Variants in ST3GAL3 observed in about 807,000 individuals in gnomAD.
ST3GAL3 encodes the protein CMP-N-acetylneuraminate-beta-1,4-galactoside alpha-2,3-sialyltransferase.
A neutral mutation model predicts 50.1 loss-of-function variants in ST3GAL3; 21 were observed. That is an observed-to-expected ratio of 0.42 (90% CI 0.30 to 0.60). ST3GAL3 has a LOEUF of 0.60. Among genes scored for constraint, ST3GAL3 ranks in the 20% least tolerant of loss-of-function variants. ST3GAL3 has a pLI of 0.19. For synonymous variants in ST3GAL3, 183 were observed against 190.0 expected (o/e 0.96, Z 0.30); for missense variants, 353 against 489.4 (o/e 0.72, Z 2.63).
At chr1:43,764,415 C>A in intron 2 of ST3GAL3, among the ~76,000 whole-genome samples, 1 of 151,958 alleles carries the variant, frequency 6.6e-6, no homozygotes, top group African/African-American at 2.4e-5. Context: ...AGTCGCGCAA[C>A]ACAATATTGC....
intron 9 of ST3GAL3, among the ~76,000 whole-genome samples, chr1:43,918,875 A>G (rs1207715206): frequency 1.3e-5 from 2 of 151,924 alleles, no homozygotes; most frequent in African/African-American, 2.4e-5. Flanking sequence ...GTAAAAGGTT[A>G]TAGTTTTCCT....
chr1:43,906,042 C>T (rs1302733053), intron 9 of ST3GAL3, among the ~76,000 whole-genome samples: 1 of 102,490 alleles, frequency 9.8e-6, no homozygotes. Flanking sequence ...CTCTTCCTCC[C>T]CCTCCCCCTC....
intron 4 of ST3GAL3, 24 bp from the exon 5 acceptor site, chr1:43,838,195 G>A: frequency 6.3e-7 from 1 of 1,592,300 alleles, no homozygotes; most frequent in South Asian, 1.1e-5. Context: ...CTGGCAAGCT[G>A]TAACTTTCCT....
intron 9 of ST3GAL3, chr1:43,913,516 G>C (rs1006462444): frequency 6.6e-6 from 1 of 152,130 alleles, no homozygotes; most frequent in African/African-American, 2.4e-5. Context: ...GTATGTGCCT[G>C]TGGACGTTTT....
intron 5 of ST3GAL3, among the ~76,000 whole-genome samples, chr1:43,871,604 AGG>A: frequency 1.0e-5 from 1 of 98,706 alleles, no homozygotes; most frequent in Non-Finnish European, 2.0e-5. Flanking sequence ...ATGGGGTGTG[AGG>A]GAGAAGATGG....
intron 2 of ST3GAL3, among the ~76,000 whole-genome samples, chr1:43,761,442 G>T (rs1178757906): frequency 6.6e-6 from 1 of 151,964 alleles, no homozygotes; most frequent in Non-Finnish European, 1.5e-5. Flanking sequence ...TGTCCAGAAG[G>T]ATGTATTTAG....
In ST3GAL3 at chr1:43,920,162, C is replaced by A. The variant is rs955943432; in HGVS notation, c.745-242C>A. The A allele has an allele frequency of 1.1e-5, 6 of 563,678 alleles. No homozygotes were observed. In the Admixed American group the frequency reaches 1.7e-4, roughly 16 times the overall value. The allele number at this position is 563,678 out of a possible 1,614,324, so 34.9% of individuals were successfully genotyped here. On this transcript the variant is annotated intron_variant, in intron 9 of 11. Coordinates refer to ENST00000347631, the MANE Select transcript of ST3GAL3 (RefSeq NM_006279.5). The stretch of plus-strand genomic sequence containing the variant: ...CCTGTGCCTGCCCGACGACTCCCTT[C>A]GTATCCTCCTCTGTTACACACTGGA...
In ST3GAL3 at chr1:43,747,561, A is replaced by AT. The variant is rs71579307; in HGVS notation, c.118+11204dup. On this transcript the variant is annotated intron_variant, in intron 2 of 11. Transcript: ENST00000347631. ...ACTCTGCAGACCCCATAGCTCAGGG[A>AT]TTTTTTTTTTTTTTTTTTTTTTTGA... Among the ~76,000 whole-genome samples the AT allele has an allele frequency of 8.8e-3, 800 of 90,580 alleles. 2 individuals carry two copies. Among genetic ancestry groups the AT allele is most frequent in the African/African-American group, 0.013 (267 of 20,920 alleles). 59.4% of individuals were successfully genotyped at this position (90,580 alleles called of 152,430 possible).
chr1:43,771,659 G>C (rs1695234995), intron 2 of ST3GAL3, among the ~76,000 whole-genome samples: 1 of 151,920 alleles, frequency 6.6e-6, no homozygotes, highest in African/African-American at 2.4e-5. Flanking sequence ...GCCCGGCTGG[G>C]TGACTTCTTT....
rs76818888 is a variant in ST3GAL3, at chr1:43,762,349, A to T, written c.118+25969A>T. On this transcript the variant is annotated intron_variant, in intron 2 of 11. Coordinates refer to ENST00000347631, the MANE Select transcript of ST3GAL3 (RefSeq NM_006279.5). The stretch of plus-strand genomic sequence containing the variant: ...AACCATATCTGTGAAGGTATCAGAG[A>T]CTTATTTAGTCTCTGATGTTTTACT... Among the ~76,000 whole-genome samples the T allele has an allele frequency of 9.3e-3, 1,411 of 151,356 alleles. 32 individuals carry two copies. Among genetic ancestry groups the T allele is most frequent in the African/African-American group, 0.032 (1,331 of 41,222 alleles).
chr1:43,775,314 A>C (rs1572622363), intron 2 of ST3GAL3, among the ~76,000 whole-genome samples: 1 of 151,542 alleles, frequency 6.6e-6, no homozygotes, highest in Non-Finnish European at 1.5e-5. Context: ...GCTCACTGCA[A>C]CCTCTGCCTC....
intron 5 of ST3GAL3, among the ~76,000 whole-genome samples, chr1:43,854,323 G>A (rs1339656052): frequency 6.6e-6 from 1 of 152,034 alleles, no homozygotes; most frequent in African/African-American, 2.4e-5. Context: ...CCACCAAAAA[G>A]CACTGACAAA....
intron 1 of ST3GAL3, among the ~76,000 whole-genome samples, chr1:43,730,202 G>A (rs1674993220): frequency 6.6e-6 from 1 of 152,184 alleles, no homozygotes; most frequent in South Asian, 2.1e-4. Context: ...AATAAAACAG[G>A]TGATTACTTC....
chr1:43,890,057 A>G (rs1223715419), intron 5 of ST3GAL3, among the ~76,000 whole-genome samples: 1 of 152,240 alleles, frequency 6.6e-6, no homozygotes, highest in African/African-American at 2.4e-5. Flanking sequence ...TTGAGGTTGT[A>G]GTAAACAAAG....
At chr1:43,719,934 G>GAAAAAAAAAAA (rs148364295) in intron 1 of ST3GAL3, among the ~76,000 whole-genome samples, 3 of 41,732 alleles carry the variant, frequency 7.2e-5, no homozygotes, top group African/African-American at 1.1e-4. Flanking sequence ...CTCTGTCTCA[G>GAAAAAAAAAAA]AAAAAAAAAA....
intron 5 of ST3GAL3, among the ~76,000 whole-genome samples, chr1:43,855,638 A>G (rs901459462): frequency 6.6e-6 from 1 of 152,082 alleles, no homozygotes; most frequent in Non-Finnish European, 1.5e-5. Context: ...AAATTTAAAA[A>G]AAAAGGAAAT....
At chr1:43,727,185 T>G (rs1298636108) in intron 1 of ST3GAL3, 1 of 152,186 alleles carries the variant, frequency 6.6e-6, no homozygotes, top group Non-Finnish European at 1.5e-5. Context: ...CTGTCCTCAC[T>G]CTGAGCATTT....
rs369291284 is a variant in ST3GAL3, at chr1:43,711,041, C to T, written c.-31+3348C>T. 2.6e-5 allele frequency among the ~76,000 whole-genome samples: 4 copies of T among 152,254 alleles called. 1 individual carries two copies. On this transcript the variant is annotated intron_variant, in intron 1 of 11. Transcript: ENST00000347631. ...GATGGATGCAGAGATAATTCTTTAT[C>T]CAAACAAAATGTTTATCATTAAAAT...
At chr1:43,917,990 G>T (rs1326636249) in intron 9 of ST3GAL3, among the ~76,000 whole-genome samples, 3 of 149,226 alleles carry the variant, frequency 2.0e-5, no homozygotes, top group Non-Finnish European at 3.0e-5. Context: ...TATTTTTGAT[G>T]TGCCAAAGCA....
Sources: allele counts gnomAD v4.1 joint callset (sites outside exome capture counted in the v4.1 genomes callset), GRCh38; gene constraint gnomAD v4.1.1; transcripts MANE v1.5; gene names NCBI Gene and HGNC (gene_info 2026-07-23, HGNC 2026-07-21).